SPIC: variants seen among roughly 807,000 people sequenced by gnomAD.
The protein encoded by SPIC is transcription factor Spi-C.
A neutral mutation model predicts 16.7 loss-of-function variants in SPIC; 9 were observed. The observed-to-expected ratio is 0.54, with a 90% confidence interval of 0.33 to 0.94. The LOEUF (loss-of-function observed/expected upper bound fraction) is 0.94. Ranked by LOEUF, SPIC falls within the 40% of genes least tolerant of loss-of-function variation. The pLI, the probability that SPIC is intolerant of heterozygous loss-of-function variation, is 0.03. For missense variants in SPIC, 241 were observed against 285.8 expected (o/e 0.84, Z 1.13); for synonymous variants, 97 against 102.9 (o/e 0.94, Z 0.35).
At chr12:101,484,895 A>G (rs1873321651) in intron 5 of SPIC, among the ~76,000 whole-genome samples, 1 of 151,994 alleles carries the variant, frequency 6.6e-6, no homozygotes, top group African/African-American at 2.4e-5. Context: ...AATAAAATAA[A>G]ATAAAATTTA....
At chr12:101,479,288 G>GAAAT (rs1249967482) in intron 3 of SPIC, among the ~76,000 whole-genome samples, 1 of 35,166 alleles carries the variant, frequency 2.8e-5, no homozygotes, top group African/African-American at 1.9e-4. Context: ...GAAAGAAAAA[G>GAAAT]AAAGAAAGAA....
chr12:101,477,414 C>A (rs1434642124), intron 2 of SPIC, 144 bp from the exon 3 acceptor site: 4 of 726,108 alleles, frequency 5.5e-6, no homozygotes, highest in Non-Finnish European at 7.0e-6. Context: ...AGGCAGCCCC[C>A]CTGACAACAG....
chr12:101,481,517 T>A (rs567556084), intron 4 of SPIC, among the ~76,000 whole-genome samples: 2 of 151,410 alleles, frequency 1.3e-5, no homozygotes, highest in East Asian at 3.9e-4. Context: ...CTAATTTTTT[T>A]TTTTTTTTTG....
intron 5 of SPIC, among the ~76,000 whole-genome samples, chr12:101,483,952 C>T (rs2121262980): frequency 6.6e-6 from 1 of 151,882 alleles, no homozygotes; most frequent in South Asian, 2.1e-4. Flanking sequence ...AGAGAGACTC[C>T]CTCACCAATA....
intron 5 of SPIC, among the ~76,000 whole-genome samples, chr12:101,484,336 C>T (rs1176375272): frequency 2.0e-5 from 3 of 151,360 alleles, no homozygotes; most frequent in African/African-American, 4.9e-5. Flanking sequence ...GAGTTCGAGA[C>T]GAACCTGGCC....
At chr12:101,482,743 G>A in intron 4 of SPIC, 49 bp from the exon 5 acceptor site, 1 of 1,544,086 alleles carries the variant, frequency 6.5e-7, no homozygotes, top group Non-Finnish European at 8.8e-7. Flanking sequence ...CTATAATAGG[G>A]GGCAACAGGG....
At chr12:101,480,562 G>A (rs1252118175) in intron 4 of SPIC, among the ~76,000 whole-genome samples, 1 of 152,210 alleles carries the variant, frequency 6.6e-6, no homozygotes, top group African/African-American at 2.4e-5. Context: ...GTCTTCATGG[G>A]ATGAGGTATA....
At chr12:101,484,362 CG>C (rs1323323891) in intron 5 of SPIC, among the ~76,000 whole-genome samples, 1 of 151,160 alleles carries the variant, frequency 6.6e-6, no homozygotes, top group Non-Finnish European at 1.5e-5. Context: ...GGTGAAGCTC[CG>C]TCTCTACAAA....
chr12:101,477,503 G>A (rs1872992299), intron 2 of SPIC, 55 bp from the exon 3 acceptor site: 2 of 1,486,342 alleles, frequency 1.3e-6, no homozygotes, highest in Admixed American at 1.7e-5. Context: ...AAATCAGGGA[G>A]ATTAAGTTTA....
intron 5 of SPIC, among the ~76,000 whole-genome samples, chr12:101,484,752 C>T (rs997999441): frequency 6.6e-6 from 1 of 151,442 alleles, no homozygotes; most frequent in Non-Finnish European, 1.5e-5. Context: ...AGGCAGATCA[C>T]TCGAGGTCAG....
At chr12:101,481,942 C>T (rs1220588630) in intron 4 of SPIC, among the ~76,000 whole-genome samples, 1 of 135,314 alleles carries the variant, frequency 7.4e-6, no homozygotes, top group East Asian at 2.5e-4. Context: ...CATGAGCCAC[C>T]ATGCCTGGCG....
At chr12:101,485,102 G>A (rs1873327346) in intron 5 of SPIC, among the ~76,000 whole-genome samples, 1 of 152,108 alleles carries the variant, frequency 6.6e-6, no homozygotes, top group South Asian at 2.1e-4. Flanking sequence ...AAATGTTTGA[G>A]GTCTTTGGAT....
chr12:101,480,700 C>A (rs1233691498), intron 4 of SPIC, among the ~76,000 whole-genome samples: 1 of 152,124 alleles, frequency 6.6e-6, no homozygotes, highest in African/African-American at 2.4e-5. Flanking sequence ...TAAGAGAGTG[C>A]TTTGGGCTGG....
chr12:101,483,787 G>A (rs1016271928), intron 5 of SPIC, among the ~76,000 whole-genome samples: 3 of 151,624 alleles, frequency 2.0e-5, no homozygotes, highest in African/African-American at 2.4e-5. Context: ...TAGTAGAGAC[G>A]GGGTTTTGTC....
intron 5 of SPIC, among the ~76,000 whole-genome samples, chr12:101,484,246 A>G (rs1873294838): frequency 6.6e-6 from 1 of 152,020 alleles, no homozygotes; most frequent in Non-Finnish European, 1.5e-5. Flanking sequence ...ATATATCTTA[A>G]GTAAATTCTG....
rs753296739 is a variant in SPIC, at chr12:101,482,896, A to G, written c.315A>G (p.Gly105=). The change falls in exon 5 of 6, where the codon GGA becomes GGG. Residue 105 remains glycine (G), a synonymous_variant. Transcript: ENST00000551346. ...CCACTCTTCTCCAGCAAAAGGGGGG[A>G]AAAGGTACGTTGATCCATCATTCGT... ...VQPTLLQQKG[G]KGRKKLRLFE... 1.2e-5 allele frequency: 19 copies of G among 1,611,964 alleles called. No homozygotes were observed. In the South Asian group the frequency reaches 1.8e-4, roughly 15 times the overall value.
chr12:101,475,582 C>T (rs915564217), intron 1 of SPIC, 80 bp downstream of exon 1: 8 of 152,116 alleles, frequency 5.3e-5, no homozygotes, highest in African/African-American at 1.7e-4. Context: ...GTGTTTCTCA[C>T]TGTCTGCGTG....
At chr12:101,483,381 G>A (rs940154266) in intron 5 of SPIC, among the ~76,000 whole-genome samples, 2 of 151,978 alleles carry the variant, frequency 1.3e-5, no homozygotes, top group Non-Finnish European at 2.9e-5. Flanking sequence ...ATAACACATA[G>A]AGCTGTCATC....
At chr12:101,479,216 GAAAGAAGGAAA>G (rs1873073432) in intron 3 of SPIC, among the ~76,000 whole-genome samples, 1 of 116,562 alleles carries the variant, frequency 8.6e-6, no homozygotes, top group African/African-American at 3.1e-5. Context: ...AAGAAAGAAA[GAAAGAAGGAAA>G]GAAAGAAAGA....
Sources: gnomAD v4.1 joint callset for allele counts (sites outside exome capture counted in the v4.1 genomes callset) on GRCh38, gnomAD v4.1.1 for gene constraint, MANE v1.5 for transcripts, NCBI Gene and HGNC (gene_info 2026-07-23, HGNC 2026-07-21) for gene names.